GRIN1: variants seen among roughly 807,000 people sequenced by gnomAD.
GRIN1 encodes the protein glutamate receptor ionotropic, NMDA 1.
A neutral mutation model predicts 103.0 loss-of-function variants in GRIN1; 38 were observed. That is an observed-to-expected ratio of 0.37 (90% confidence interval 0.28 to 0.48). The LOEUF (loss-of-function observed/expected upper bound fraction) is 0.48. GRIN1 is among the 20% of genes least tolerant of loss of function. The probability of loss-of-function intolerance (pLI) is 0.98; values close to 1 mark genes in which losing one functional copy is unlikely to be tolerated. For synonymous variants in GRIN1, 544 were observed against 532.7 expected (o/e 1.02, Z -0.29); for missense variants, 577 against 1,288.9 (o/e 0.45, Z 8.46).
Position 137,167,949 on chromosome 9 carries a change from C to G in GRIN1, c.*422C>G. On this transcript the variant is annotated 3_prime_UTR_variant, in exon 20 of 20. Coordinates refer to ENST00000371561, the MANE Select transcript of GRIN1 (RefSeq NM_007327.4). ...GCCCACCCGCCCCAGAGACTGCCCA[C>G]CCTGGGCCTCCCGTCCGTCCGCCCG... 1.0e-6 allele frequency: 1 copy of G among 976,328 alleles called. No individual in the cohort carries two copies. The highest frequency in any genetic ancestry group is 1.6e-6 in the Non-Finnish European group (1 of 635,262). The allele number at this position is 976,328 out of a possible 1,614,324, so 60.5% of individuals were successfully genotyped here.
At chr9:137,144,717 A>C (rs1344655856) in intron 2 of GRIN1, among the ~76,000 whole-genome samples, 1 of 127,654 alleles carries the variant, frequency 7.8e-6, no homozygotes, top group Non-Finnish European at 1.6e-5. Context: ...GGGTCTAGAA[A>C]GTGTCCCCAG....
chr9:137,161,352 G>A lies in GRIN1; in HGVS notation c.1403G>A (p.Arg468Gln), dbSNP rs1833531221. ...FCIDLLIKLA[R>Q]TMNFTYEVHL... is the part of the protein sequence containing the mutation. ...ATCGACCTGCTCATCAAGCTGGCACGGACCATGAACTTCACCTACGAGGTG... is the reference window on the plus strand; with the variant it reads ...ATCGACCTGCTCATCAAGCTGGCACAGACCATGAACTTCACCTACGAGGTG... The change falls in exon 10 of 20, where the codon CGG becomes CAG. Residue 468 changes from arginine (R) to glutamine (Q), a missense_variant. Physicochemically the swap from Arg to Gln is conservative, Grantham distance 43. Coordinates refer to ENST00000371561, the MANE Select transcript of GRIN1 (RefSeq NM_007327.4). 6.2e-7 allele frequency: 1 copy of A among 1,612,738 alleles called. No individual in the cohort carries two copies. Among genetic ancestry groups the A allele is most frequent in the Non-Finnish European group, 8.5e-7 (1 of 1,179,832 alleles).
At chr9:137,154,860 C>A (rs1833128757) in intron 4 of GRIN1, among the ~76,000 whole-genome samples, 1 of 152,192 alleles carries the variant, frequency 6.6e-6, no homozygotes. Flanking sequence ...CAGAGGCCGA[C>A]TGGCCCACCC....
chr9:137,144,592 C>G (rs112078638), intron 2 of GRIN1, among the ~76,000 whole-genome samples: 1,693 of 150,246 alleles, frequency 0.011, 12 homozygotes, highest in Non-Finnish European at 0.017. Context: ...GAGGCGGAGC[C>G]TGCAGTGAGC....
chr9:137,159,983 G>C (rs537885445), intron 8 of GRIN1, among the ~76,000 whole-genome samples: 1 of 152,284 alleles, frequency 6.6e-6, no homozygotes, highest in South Asian at 2.1e-4. Context: ...TGAGGGCTCA[G>C]CTCTGACACC....
chr9:137,159,635 T>A (rs977574493), intron 8 of GRIN1, among the ~76,000 whole-genome samples: 2 of 152,262 alleles, frequency 1.3e-5, no homozygotes, highest in Admixed American at 1.3e-4. Flanking sequence ...ATCTAGGCTG[T>A]GAGATGGAGA....
Position 137,146,481 on chromosome 9 carries a change from C to A in GRIN1, c.570+579C>A, listed in dbSNP as rs1232741966. ...GGCTCCACTCCCCTCCTTGCCCCCA[C>A]CACAGGGCTCCCTCTGCACTCCTCA... On this transcript the variant is annotated intron_variant, in intron 3 of 19. Coordinates refer to ENST00000371561, the MANE Select transcript of GRIN1 (RefSeq NM_007327.4). The surrounding 1 kb of genome is among the most constrained non-coding windows in gnomAD (Gnocchi z 6.7). Among the ~76,000 whole-genome samples, 2 of 152,180 alleles carry A rather than the reference C, an allele frequency of 1.3e-5. No individual in the cohort carries two copies. The highest frequency in any genetic ancestry group is 2.9e-5 in the Non-Finnish European group (2 of 68,022).
Position 137,162,255 on chromosome 9 carries a change from G to A in GRIN1, c.1716G>A (p.Val572=), listed in dbSNP as rs151030252. 29 of 1,545,530 alleles carry A rather than the reference G, an allele frequency of 1.9e-5. No individual in the cohort carries two copies. Among genetic ancestry groups the A allele is most frequent in the Non-Finnish European group, 2.3e-5 (27 of 1,150,376 alleles). Residue 572 remains valine, a synonymous_variant, in exon 12 of 20, where the codon GTG becomes GTA. Transcript: ENST00000371561. The part of the protein sequence containing the change: ...LWLLVGLSVH[V]VAVMLYLLDR... The stretch of plus-strand genomic sequence containing the variant: ...TGCTGGTGGGGCTGTCGGTGCACGT[G>A]GTGGCCGTGATGCTGTACCTGCTGG...
At chr9:137,154,484 C>G (rs1377088684) in intron 4 of GRIN1, among the ~76,000 whole-genome samples, 1 of 99,260 alleles carries the variant, frequency 1.0e-5, no homozygotes, top group Non-Finnish European at 1.9e-5. Context: ...GATGGAGTCT[C>G]ACTCTGTCAC....
At chr9:137,144,437 G>A (rs1056297114) in intron 2 of GRIN1, among the ~76,000 whole-genome samples, 30 of 151,794 alleles carry the variant, frequency 2.0e-4, no homozygotes, top group African/African-American at 4.8e-4. Flanking sequence ...GGCGGATCAC[G>A]AGGTCAGGAG....
rs1162072253 is a variant in GRIN1, at chr9:137,139,475, C to T, written c.-12C>T. 5 of 1,557,910 alleles carry T rather than the reference C, an allele frequency of 3.2e-6. No individual in the cohort carries two copies. The highest frequency in any genetic ancestry group is 4.3e-6 in the Non-Finnish European group (5 of 1,152,274). The stretch of plus-strand genomic sequence containing the variant: ...TTCGCGCCGCGCAGAGCCAGGCCCG[C>T]GGCCCGAGCCCATGAGCACCATGCG... On this transcript the variant is annotated 5_prime_UTR_variant, in exon 1 of 20. Transcript: ENST00000371561. The surrounding 1 kb of genome is among the most constrained non-coding windows in gnomAD (Gnocchi z 7.7).
rs989815571 is a variant in GRIN1, at chr9:137,151,494, A to T, written c.671+2385A>T. On this transcript the variant is annotated intron_variant, in intron 4 of 19. Transcript: ENST00000371561. The stretch of plus-strand genomic sequence containing the variant: ...CACCCAGGGAAAGCCCCGCCCAGGG[A>T]AAGCTTCACCCAGAGAAATTCCCAC... Among the ~76,000 whole-genome samples the T allele has an allele frequency of 1.4e-4, 21 of 151,706 alleles. No individual in the cohort carries two copies. In the East Asian group the frequency reaches 2.1e-3, roughly 15 times the overall value.
At chr9:137,144,552 G>A (rs1244485485) in intron 2 of GRIN1, among the ~76,000 whole-genome samples, 2 of 152,046 alleles carry the variant, frequency 1.3e-5, no homozygotes, top group Non-Finnish European at 2.9e-5. Context: ...CTACTTGGGA[G>A]GCTGAGGCAG....
At chr9:137,142,872 C>T (rs544935994) in intron 2 of GRIN1, among the ~76,000 whole-genome samples, 1 of 152,218 alleles carries the variant, frequency 6.6e-6, no homozygotes, top group Non-Finnish European at 1.5e-5. Context: ...TAGCCTCCTG[C>T]AGACCCTCCT....
Position 137,167,823 on chromosome 9 carries a change from C to G in GRIN1, c.*296C>G, listed in dbSNP as rs1037983823. 1 of 1,612,108 alleles carries G rather than the reference C, an allele frequency of 6.2e-7. No individual in the cohort carries two copies. The highest frequency in any genetic ancestry group is 8.5e-7 in the Non-Finnish European group (1 of 1,179,638). Reference sequence around the variant, plus strand: ...GGCCCGCTCAACCTCTCAGATCCCTCGGTCAGCACCGTGGTGTGAGGCCCC... The same window carrying G: ...GGCCCGCTCAACCTCTCAGATCCCTGGGTCAGCACCGTGGTGTGAGGCCCC... On this transcript the variant is annotated 3_prime_UTR_variant, in exon 20 of 20. Coordinates refer to ENST00000371561, the MANE Select transcript of GRIN1 (RefSeq NM_007327.4).
chr9:137,165,349 C>T (rs940644964), intron 19 of GRIN1, 53 bp downstream of exon 19: 2 of 1,099,394 alleles, frequency 1.8e-6, no homozygotes, highest in African/African-American at 1.5e-5. Flanking sequence ...CCCTGCCCTG[C>T]GTGTGTCTCC....
chr9:137,140,943 G>T (rs1419613217), intron 1 of GRIN1, among the ~76,000 whole-genome samples: 1 of 152,216 alleles, frequency 6.6e-6, no homozygotes, highest in African/African-American at 2.4e-5. Flanking sequence ...AGGACACCAT[G>T]GGATGGGACT....
At chr9:137,163,052 G>A (rs755838103) in intron 15 of GRIN1, 49 bp downstream of exon 15, 10 of 1,558,462 alleles carry the variant, frequency 6.4e-6, no homozygotes, top group Non-Finnish European at 8.7e-6. Flanking sequence ...TGCGGGGAGG[G>A]GGAGGGTGGC....
chr9:137,149,458 G>A (rs1832718374), intron 4 of GRIN1, among the ~76,000 whole-genome samples: 1 of 152,260 alleles, frequency 6.6e-6, no homozygotes, highest in South Asian at 2.1e-4. Flanking sequence ...CAGGCCTGGG[G>A]CCAGGGACTA....
Sources: allele counts gnomAD v4.1 joint callset (sites outside exome capture counted in the v4.1 genomes callset), GRCh38; gene constraint gnomAD v4.1.1; non-coding constraint Gnocchi (gnomAD v3.1); transcripts MANE v1.5; gene names NCBI Gene and HGNC (gene_info 2026-07-23, HGNC 2026-07-21).